Variants in SAMTOR observed in about 807,000 individuals in gnomAD.
The protein encoded by SAMTOR is S-adenosylmethionine sensor upstream of mTORC1.
the SAMTOR span, among the ~76,000 whole-genome samples, chr7:112,896,447 TC>T: frequency 6.6e-6 from 1 of 152,174 alleles, no homozygotes; most frequent in Non-Finnish European, 1.5e-5. Context: ...ACAACTATGG[TC>T]CAAGGGAACT....
chr7:112,925,449 C>T, the SAMTOR span, among the ~76,000 whole-genome samples: 1 of 152,132 alleles, frequency 6.6e-6, no homozygotes, highest in African/African-American at 2.4e-5. Context: ...AAAAGCTATG[C>T]TTAAAACAAA....
chr7:112,869,910 C>T, the SAMTOR span, among the ~76,000 whole-genome samples: 1 of 152,042 alleles, frequency 6.6e-6, no homozygotes, highest in Non-Finnish European at 1.5e-5. Context: ...AGAGGAATTT[C>T]AAAATACAGT....
At chr7:112,927,672 G>T in the SAMTOR span, among the ~76,000 whole-genome samples, 1 of 151,948 alleles carries the variant, frequency 6.6e-6, no homozygotes, top group East Asian at 1.9e-4. Context: ...GGGTACACAC[G>T]TTTTACTTTG....
the SAMTOR span, among the ~76,000 whole-genome samples, chr7:112,914,225 G>A: frequency 2.6e-4 from 39 of 148,528 alleles, no homozygotes; most frequent in Non-Finnish European, 5.3e-4. Context: ...CTGTCCATGA[G>A]AAAGACAATG....
chr7:112,908,240 G>C, the SAMTOR span, among the ~76,000 whole-genome samples: 4 of 152,124 alleles, frequency 2.6e-5, no homozygotes, highest in African/African-American at 9.7e-5. Flanking sequence ...ATGTGAGTGG[G>C]CCTCATTCAG....
chr7:112,927,576 T>G, the SAMTOR span, among the ~76,000 whole-genome samples: 26 of 152,064 alleles, frequency 1.7e-4, 1 homozygote, highest in South Asian at 4.1e-3. Context: ...ACATGTGTCT[T>G]AAAGTAAAAG....
chr7:112,896,747 A>T, the SAMTOR span, among the ~76,000 whole-genome samples: 1 of 152,224 alleles, frequency 6.6e-6, no homozygotes, highest in African/African-American at 2.4e-5. Context: ...AAAAAACATG[A>T]TTGATAAACA....
At chr7:112,832,694 T>C in the SAMTOR span, 9 of 1,427,270 alleles carry the variant, frequency 6.3e-6, no homozygotes, top group Non-Finnish European at 8.9e-6. Context: ...AGATATTTTA[T>C]AAGAACAAAA....
chr7:112,903,497 T>C, the SAMTOR span, among the ~76,000 whole-genome samples: 3 of 151,980 alleles, frequency 2.0e-5, no homozygotes, highest in Non-Finnish European at 2.9e-5. Context: ...TGGGGAAATT[T>C]GATTATGGAT....
the SAMTOR span, among the ~76,000 whole-genome samples, chr7:112,835,819 T>A: frequency 6.6e-6 from 1 of 152,130 alleles, no homozygotes; most frequent in Non-Finnish European, 1.5e-5. Flanking sequence ...ATGATTTCAT[T>A]CTTTTTTATG....
chr7:112,902,427 AACAAAAAAAAAC>A, the SAMTOR span, among the ~76,000 whole-genome samples: 122 of 93,708 alleles, frequency 1.3e-3, 3 homozygotes, highest in African/African-American at 5.2e-3. Context: ...AAAAAAAAAA[AACAAAAAAAAAC>A]AAAAAAAAAC....
At chr7:112,890,692 CTT>C in the SAMTOR span, among the ~76,000 whole-genome samples, 4 of 143,972 alleles carry the variant, frequency 2.8e-5, no homozygotes, top group Admixed American at 7.0e-5. Flanking sequence ...TATATGAATA[CTT>C]TTTTTTTTTT....
At chr7:112,883,889 C>G in the SAMTOR span, among the ~76,000 whole-genome samples, 2 of 152,146 alleles carry the variant, frequency 1.3e-5, no homozygotes, top group African/African-American at 4.8e-5. Context: ...GTGTATTAGT[C>G]TGTTCTCATG....
chr7:112,934,307 G>A, the SAMTOR span, among the ~76,000 whole-genome samples: 2 of 152,170 alleles, frequency 1.3e-5, no homozygotes, highest in Non-Finnish European at 2.9e-5. Flanking sequence ...CCTCCACAGA[G>A]GGCTTCCAAA....
chr7:112,929,112 C>T, the SAMTOR span, among the ~76,000 whole-genome samples: 1 of 151,446 alleles, frequency 6.6e-6, no homozygotes, highest in African/African-American at 2.4e-5. Context: ...TTAAAACATA[C>T]AAAGCACAGA....
the SAMTOR span, among the ~76,000 whole-genome samples, chr7:112,934,322 A>C: frequency 3.3e-5 from 5 of 152,202 alleles, no homozygotes; most frequent in Non-Finnish European, 7.3e-5. Flanking sequence ...TCCAAATCCT[A>C]AACTTCCAAA....
At chr7:112,832,002 A>C in the SAMTOR span, among the ~76,000 whole-genome samples, 2 of 150,786 alleles carry the variant, frequency 1.3e-5, no homozygotes, top group Non-Finnish European at 3.0e-5. Context: ...TCTGTAATCT[A>C]CTGAAGTTTC....
chr7:112,840,006 A>ATATTACTTTTGCACTTTCTTT, the SAMTOR span, among the ~76,000 whole-genome samples: 8 of 151,808 alleles, frequency 5.3e-5, no homozygotes, highest in Non-Finnish European at 1.2e-4. Context: ...TTGATCTGTT[A>ATATTACTTTTGCACTTTCTTT]TATTACTTTT....
the SAMTOR span, among the ~76,000 whole-genome samples, chr7:112,865,770 T>TATATACATATA: frequency 7.3e-6 from 1 of 137,762 alleles, no homozygotes; most frequent in Non-Finnish European, 1.5e-5. Flanking sequence ...CATATATATA[T>TATATACATATA]TTCATATATA....
Sources: allele counts gnomAD v4.1 joint callset (sites outside exome capture counted in the v4.1 genomes callset), GRCh38; gene constraint gnomAD v4.1.1; transcripts MANE v1.5; gene names NCBI Gene and HGNC (gene_info 2026-07-23, HGNC 2026-07-21).